Variants in TMEM244 observed in about 807,000 individuals in gnomAD.
TMEM244 encodes putative transmembrane protein 244.
A neutral mutation model predicts 15.8 loss-of-function variants in TMEM244; 13 were observed. The ratio of observed to expected loss-of-function variants is 0.82; its 90% CI spans 0.53 to 1.30. The LOEUF is 1.30. Ranked by LOEUF, TMEM244 falls within the 50% of genes most tolerant of loss-of-function variation. The pLI, the probability that TMEM244 is intolerant of heterozygous loss-of-function variation, is 0.00. For synonymous variants in TMEM244, 45 were observed against 48.7 expected, an observed-to-expected ratio of 0.92 and a Z score of 0.32; for missense variants, 161 against 144.9, an observed-to-expected ratio of 1.11 and a Z score of -0.57.
chr6:129,835,198 C>T (rs1238919466), intron 3 of TMEM244, among the ~76,000 whole-genome samples: 1 of 151,942 alleles, frequency 6.6e-6, no homozygotes, highest in African/African-American at 2.4e-5. Context: ...GAGTTCAAGG[C>T]CACACTGGGC....
At chr6:129,853,288 C>T (rs1776659330) in intron 1 of TMEM244, among the ~76,000 whole-genome samples, 1 of 151,914 alleles carries the variant, frequency 6.6e-6, no homozygotes. Flanking sequence ...CGGCTCCTCT[C>T]TTTGGAAAAC....
At chr6:129,858,207 A>G (rs1776746391) in intron 1 of TMEM244, among the ~76,000 whole-genome samples, 1 of 152,140 alleles carries the variant, frequency 6.6e-6, no homozygotes, top group South Asian at 2.1e-4. Flanking sequence ...TATATGGTTT[A>G]GGTGACAACA....
chr6:129,861,315 T>A lies in TMEM244; in HGVS notation c.-127A>T. Reference sequence around the variant, plus strand: ...GGAGACTAAGTGTGAGACGCAGTAGTGCAGGATGATTGGATTACGCAAAAC... The same window carrying A: ...GGAGACTAAGTGTGAGACGCAGTAGAGCAGGATGATTGGATTACGCAAAAC... On this transcript the variant is annotated 5_prime_UTR_variant, in exon 1 of 5. Coordinates refer to ENST00000368143, the MANE Select transcript of TMEM244 (RefSeq NM_001010876.2). 1 of 1,091,502 alleles carries A rather than the reference T, an allele frequency of 9.2e-7. No homozygotes were observed. The highest frequency in any genetic ancestry group is 1.3e-6 in the Non-Finnish European group (1 of 741,080). 67.6% of individuals were successfully genotyped at this position (1,091,502 alleles called of 1,614,324 possible).
intron 1 of TMEM244, among the ~76,000 whole-genome samples, chr6:129,854,000 T>A (rs1375730877): frequency 6.6e-6 from 1 of 152,236 alleles, no homozygotes; most frequent in East Asian, 1.9e-4. Flanking sequence ...TCTTGAGTTT[T>A]TCTTGTTGTC....
chr6:129,839,143 C>T (rs1343102464), intron 3 of TMEM244, among the ~76,000 whole-genome samples: 1 of 152,104 alleles, frequency 6.6e-6, no homozygotes, highest in Non-Finnish European at 1.5e-5. Context: ...AACTTCAAGC[C>T]AATATTTCTG....
Position 129,861,193 on chromosome 6 carries a change from A to G in TMEM244, c.-5T>C. On this transcript the variant is annotated 5_prime_UTR_variant, in exon 1 of 5. Transcript: ENST00000368143. ...AACTCTGACCTGGAGAGCCATGTAC[A>G]CATCCTACGTCAAGGAGGTGATGAA... is the stretch of plus-strand genomic sequence containing the variant. The G allele has an allele frequency of 1.2e-6, 2 of 1,613,640 alleles. No homozygotes were observed. Among genetic ancestry groups the G allele is most frequent in the Non-Finnish European group, 1.7e-6 (2 of 1,179,654 alleles).
At chr6:129,849,875 G>A (rs1004957851) in intron 1 of TMEM244, among the ~76,000 whole-genome samples, 1 of 152,200 alleles carries the variant, frequency 6.6e-6, no homozygotes. Context: ...GGTTATGTGT[G>A]TGTGTATGTG....
chr6:129,855,842 C>T (rs577027450), intron 1 of TMEM244, among the ~76,000 whole-genome samples: 7 of 152,074 alleles, frequency 4.6e-5, no homozygotes, highest in East Asian at 1.9e-4. Context: ...CACTGTTCAT[C>T]GTTTGTAATT....
At chr6:129,840,716 TAAAC>T (rs1342292712) in intron 3 of TMEM244, among the ~76,000 whole-genome samples, 1 of 152,076 alleles carries the variant, frequency 6.6e-6, no homozygotes, top group African/African-American at 2.4e-5. Context: ...ACAAAGAACT[TAAAC>T]AAATTTATAA....
intron 3 of TMEM244, among the ~76,000 whole-genome samples, chr6:129,834,385 T>G (rs1424757609): frequency 6.6e-6 from 1 of 152,250 alleles, no homozygotes; most frequent in Non-Finnish European, 1.5e-5. Context: ...GGTCCCTTTG[T>G]AAATGATACC....
At chr6:129,848,832 T>C (rs1456435146) in intron 1 of TMEM244, among the ~76,000 whole-genome samples, 1 of 152,188 alleles carries the variant, frequency 6.6e-6, no homozygotes, top group African/African-American at 2.4e-5. Context: ...AATTTGAACA[T>C]TAATAGCCTC....
At chr6:129,833,436 T>C (rs1189452849) in intron 4 of TMEM244, 24 bp downstream of exon 4, 1 of 1,602,064 alleles carries the variant, frequency 6.2e-7, no homozygotes, top group Admixed American at 1.7e-5. Flanking sequence ...ATTTTCCTTG[T>C]TTCTGTTATT....
At chr6:129,832,597 T>G (rs576776127) in intron 4 of TMEM244, among the ~76,000 whole-genome samples, 1 of 152,110 alleles carries the variant, frequency 6.6e-6, no homozygotes, top group Admixed American at 6.6e-5. Context: ...AGTGGATAGG[T>G]GAACAAATGG....
chr6:129,843,723 G>T, intron 2 of TMEM244, 120 bp from the exon 3 acceptor site: 1 of 605,742 alleles, frequency 1.7e-6, no homozygotes, highest in Non-Finnish European at 2.8e-6. Flanking sequence ...CCCACATTGT[G>T]GCACATTTCA....
chr6:129,858,786 T>A (rs796542152), intron 1 of TMEM244, among the ~76,000 whole-genome samples: 1 of 147,756 alleles, frequency 6.8e-6, no homozygotes, highest in Non-Finnish European at 1.5e-5. Flanking sequence ...ACCACTATAG[T>A]AGGAACCATA....
chr6:129,849,364 T>A (rs529642653), intron 1 of TMEM244, among the ~76,000 whole-genome samples: 1 of 152,326 alleles, frequency 6.6e-6, no homozygotes, highest in Admixed American at 6.5e-5. Flanking sequence ...TCCTCGAATC[T>A]ACACCCTACA....
intron 3 of TMEM244, 27 bp downstream of exon 3, chr6:129,843,503 A>G (rs747174199): frequency 6.5e-7 from 1 of 1,536,396 alleles, no homozygotes; most frequent in Non-Finnish European, 8.9e-7. Flanking sequence ...TCACTAATTG[A>G]TAAGAATTTA....
At chr6:129,835,105 T>C (rs1447334959) in intron 3 of TMEM244, among the ~76,000 whole-genome samples, 1 of 152,150 alleles carries the variant, frequency 6.6e-6, no homozygotes. Flanking sequence ...ATAACAGTCA[T>C]AAGACCTTGT....
At chr6:129,837,492 G>C (rs950826547) in intron 3 of TMEM244, among the ~76,000 whole-genome samples, 1 of 152,188 alleles carries the variant, frequency 6.6e-6, no homozygotes, top group Non-Finnish European at 1.5e-5. Context: ...AAAGACTTTA[G>C]ACGCTATGAA....
Sources: gnomAD v4.1 joint callset for allele counts (sites outside exome capture counted in the v4.1 genomes callset) on GRCh38, gnomAD v4.1.1 for gene constraint, MANE v1.5 for transcripts, NCBI Gene and HGNC (gene_info 2026-07-23, HGNC 2026-07-21) for gene names.